The following CHTF8 variants were observed in gnomAD, a reference collection of about 807,000 sequenced individuals.
CHTF8 encodes the protein chromosome transmission fidelity protein 8 homolog.
A neutral mutation model predicts 11.0 loss-of-function variants in CHTF8; 6 were observed. That is an observed-to-expected ratio of 0.55 (90% CI 0.30 to 1.08). The LOEUF is 1.08. Ranked by LOEUF, CHTF8 falls within the 50% of genes least tolerant of loss-of-function variation. CHTF8 has a pLI of 0.07. For missense variants in CHTF8, 140 were observed against 153.1 expected, an observed-to-expected ratio of 0.91 and a Z score of 0.45; for synonymous variants, 53 against 60.5, an observed-to-expected ratio of 0.88 and a Z score of 0.57.
At position 69,121,034 on chromosome 16, in the gene CHTF8, G is replaced by C. The variant is rs1258629277; in HGVS notation, c.141+19C>G. The C allele has an allele frequency of 6.2e-7, 1 of 1,601,826 alleles. No homozygotes were observed. The highest frequency in any genetic ancestry group is 1.3e-5 in the African/African-American group (1 of 74,686). On this transcript the variant is annotated intron_variant, in intron 3 of 3. Coordinates refer to ENST00000448552, the MANE Select transcript of CHTF8 (RefSeq NM_001039690.5). ...TTGCTTTCCTGAGGCATTAGGCAGG[G>C]AAAGAAAAGCCCCCTCACCTCAGTG...
At chr16:69,122,071 C>T (rs1961715331) in intron 1 of CHTF8, among the ~76,000 whole-genome samples, 1 of 152,138 alleles carries the variant, frequency 6.6e-6, no homozygotes, top group African/African-American at 2.4e-5. Flanking sequence ...CAGGTGTGAG[C>T]CACCATGCCT....
At position 69,119,059 on chromosome 16, in the gene CHTF8, A is replaced by C; in HGVS notation, c.*1366T>G. The C allele has an allele frequency of 1.4e-6, 1 of 703,078 alleles. No individual in the cohort carries two copies. The highest frequency in any genetic ancestry group is 2.6e-6 in the Non-Finnish European group (1 of 385,024). The allele number at this position is 703,078 out of a possible 1,614,324, so 43.6% of individuals were successfully genotyped here. On this transcript the variant is annotated 3_prime_UTR_variant, in exon 4 of 4. Coordinates refer to ENST00000448552, the MANE Select transcript of CHTF8 (RefSeq NM_001039690.5). ...TGTGAAAGGAGCTGGGTTGATACCC[A>C]CAGGGCCAGCTGGAGAAGGGCCCAG...
intron 1 of CHTF8, among the ~76,000 whole-genome samples, chr16:69,124,176 G>A (rs1021805226): frequency 1.3e-5 from 2 of 152,012 alleles, no homozygotes; most frequent in African/African-American, 2.4e-5. Flanking sequence ...TGGCAAACTT[G>A]GAGTACTTTG....
intron 1 of CHTF8, 141 bp from the exon 2 acceptor site, chr16:69,121,634 TG>T (rs1961672803): frequency 1.9e-6 from 1 of 521,802 alleles, no homozygotes; most frequent in African/African-American, 2.0e-5. Flanking sequence ...CCCACCACTA[TG>T]GCCAGCTAAC....
chr16:69,128,119 TAGTC>T (rs780930566), intron 1 of CHTF8, among the ~76,000 whole-genome samples: 16 of 151,828 alleles, frequency 1.1e-4, no homozygotes, highest in Middle Eastern at 3.4e-3. Context: ...TTCACCCTAT[TAGTC>T]AGGCTGGTCT....
chr16:69,126,053 A>G (rs905333759), intron 1 of CHTF8, among the ~76,000 whole-genome samples: 1 of 152,248 alleles, frequency 6.6e-6, no homozygotes, highest in Non-Finnish European at 1.5e-5. Context: ...AAAAGGCTCA[A>G]TAATGCACAC....
At chr16:69,130,322 T>C (rs1962409865) in intron 1 of CHTF8, among the ~76,000 whole-genome samples, 1 of 152,208 alleles carries the variant, frequency 6.6e-6, no homozygotes, top group Admixed American at 6.5e-5. Flanking sequence ...TGTTTTTTTT[T>C]CAAACAGGAA....
intron 1 of CHTF8, among the ~76,000 whole-genome samples, 178 bp from the exon 2 acceptor site, chr16:69,121,671 G>T (rs999667209): frequency 3.0e-4 from 42 of 141,284 alleles, no homozygotes; most frequent in Middle Eastern, 3.6e-3. Context: ...TAGAGATGGG[G>T]TTTTTTTTTT....
chr16:69,129,511 A>G (rs761946437), intron 1 of CHTF8, among the ~76,000 whole-genome samples: 2 of 151,656 alleles, frequency 1.3e-5, no homozygotes, highest in African/African-American at 2.4e-5. Context: ...TTCATTTCTC[A>G]CAAGCTAGCC....
intron 1 of CHTF8, among the ~76,000 whole-genome samples, 178 bp from the exon 2 acceptor site, chr16:69,121,671 GTTTT>G (rs893564251): frequency 2.1e-5 from 3 of 141,258 alleles, no homozygotes; most frequent in African/African-American, 5.2e-5. Flanking sequence ...TAGAGATGGG[GTTTT>G]TTTTTTTTTT....
intron 1 of CHTF8, among the ~76,000 whole-genome samples, chr16:69,123,615 T>G (rs780374215): frequency 6.6e-6 from 1 of 151,970 alleles, no homozygotes; most frequent in Non-Finnish European, 1.5e-5. Flanking sequence ...CCAAGATTGC[T>G]CCACCCTGGG....
chr16:69,131,330 T>C (rs1962496278), intron 1 of CHTF8: 1 of 152,160 alleles, frequency 6.6e-6, no homozygotes, highest in Non-Finnish European at 1.5e-5. Flanking sequence ...AAAGATGGCT[T>C]CAGTCGATCT....
At chr16:69,126,788 T>C (rs935103167) in intron 1 of CHTF8, among the ~76,000 whole-genome samples, 2 of 152,188 alleles carry the variant, frequency 1.3e-5, no homozygotes, top group African/African-American at 4.8e-5. Flanking sequence ...CCTTAAAATA[T>C]CCTGTAACAC....
chr16:69,129,139 C>T (rs1962303354), intron 1 of CHTF8, among the ~76,000 whole-genome samples: 1 of 150,704 alleles, frequency 6.6e-6, no homozygotes, highest in African/African-American at 2.4e-5. Context: ...TTAAGAAAAG[C>T]CCAGGCAGAG....
chr16:69,125,715 A>G (rs1191206710), intron 1 of CHTF8, among the ~76,000 whole-genome samples: 1 of 152,234 alleles, frequency 6.6e-6, no homozygotes, highest in Non-Finnish European at 1.5e-5. Flanking sequence ...TCTCAACAGA[A>G]CTAAAAGCAC....
Position 69,118,127 on chromosome 16 carries a change from A to ACCCCCCC in CHTF8, c.*2297_*2298insGGGGGGG. ...CAGTGATTTCTTCCCTTCATCCCCC[A>ACCCCCCC]CCCCCACCCTAATTCCCATATTCCC... On this transcript the variant is annotated 3_prime_UTR_variant, in exon 4 of 4. Coordinates refer to ENST00000448552, the MANE Select transcript of CHTF8 (RefSeq NM_001039690.5). 7.2e-6 allele frequency: 1 copy of ACCCCCCC among 138,046 alleles called. No individual in the cohort carries two copies. The highest frequency in any genetic ancestry group is 1.4e-5 in the Non-Finnish European group (1 of 69,834). The allele number at this position is 138,046 out of a possible 1,614,324, so 8.6% of individuals were successfully genotyped here. A position where few individuals can be genotyped will look rare whatever the true frequency, so the allele number is the denominator to read the frequency against.
rs1266881172 is a variant in CHTF8, at chr16:69,118,619, T to C, written c.*1806A>G. The C allele has an allele frequency of 5.7e-6, 4 of 705,628 alleles. No individual in the cohort carries two copies. Among genetic ancestry groups the C allele is most frequent in the African/African-American group, 5.2e-5 (3 of 57,220 alleles). The allele number at this position is 705,628 out of a possible 1,614,324, so 43.7% of individuals were successfully genotyped here. On this transcript the variant is annotated 3_prime_UTR_variant, in exon 4 of 4. Coordinates refer to ENST00000448552, the MANE Select transcript of CHTF8 (RefSeq NM_001039690.5). ...AAAGCACAGCAGGCTTCTGGGAGGC[T>C]GGAGATCCTTTCTCTCAAGGGCAGG... is the stretch of plus-strand genomic sequence containing the variant.
Position 69,121,431 on chromosome 16 carries a change from C to T in CHTF8, c.23+5G>A, listed in dbSNP as rs775487827. On this transcript the variant is annotated splice_donor_5th_base_variant and intron_variant, in intron 2 of 3. Coordinates refer to ENST00000448552, the MANE Select transcript of CHTF8 (RefSeq NM_001039690.5). ...CCAAATTTTAAAATCTCAAAATGTA[C>T]TTACCTGGAAATAACAATTTGCACC... The T allele has an allele frequency of 5.0e-6, 8 of 1,606,674 alleles. No individual in the cohort carries two copies. Among genetic ancestry groups the T allele is most frequent in the Admixed American group, 1.7e-5 (1 of 57,726 alleles).
chr16:69,127,712 T>C (rs1015179555), intron 1 of CHTF8, among the ~76,000 whole-genome samples: 67 of 146,212 alleles, frequency 4.6e-4, no homozygotes, highest in Non-Finnish European at 8.6e-4. Context: ...CAGGTTCAAG[T>C]GATTCTCCTG....
Sources: allele counts gnomAD v4.1 joint callset (sites outside exome capture counted in the v4.1 genomes callset), GRCh38; gene constraint gnomAD v4.1.1; transcripts MANE v1.5; gene names NCBI Gene and HGNC (gene_info 2026-07-23, HGNC 2026-07-21).